The following CYP2C19 variants were observed in gnomAD, a reference collection of about 807,000 sequenced individuals.
CYP2C19 encodes the protein cytochrome P450 2C19.
In CYP2C19, 59 loss-of-function variants were observed where a neutral mutation model predicts 40.9. The observed-to-expected ratio is 1.44, with a 90% CI of 1.17 to 1.79. CYP2C19 has a LOEUF of 1.79. Ranked by LOEUF, CYP2C19 falls within the 40% of genes most tolerant of loss-of-function variation. CYP2C19 has a pLI of 0.00. For synonymous variants in CYP2C19, 253 were observed against 208.7 expected (o/e 1.21, Z -1.83); for missense variants, 754 against 596.9 (o/e 1.26, Z -2.74).
At position 94,854,965 on chromosome 10, in the gene CYP2C19, G is replaced by C. The variant is rs1849710224; in HGVS notation, c.*2051G>C. 6.6e-6 allele frequency among the ~76,000 whole-genome samples: 1 copy of C among 152,118 alleles called. No individual in the cohort carries two copies. The highest frequency in any genetic ancestry group is 1.5e-5 in the Non-Finnish European group (1 of 68,024). On this transcript the variant is annotated 3_prime_UTR_variant, in exon 9 of 9. Transcript: ENST00000371321. ...AATGTATTAATGTAGTGTTAGTAGA[G>C]GTGTTGACAAACACCCATGGGTGAG...
intron 7 of CYP2C19, among the ~76,000 whole-genome samples, chr10:94,849,479 T>A (rs1849619888): frequency 6.6e-6 from 1 of 151,996 alleles, no homozygotes; most frequent in Admixed American, 6.6e-5. Flanking sequence ...GGGATTTTTT[T>A]TAAATTTTAT....
chr10:94,787,443 G>C (rs1226569413), intron 5 of CYP2C19, among the ~76,000 whole-genome samples: 6 of 152,142 alleles, frequency 3.9e-5, no homozygotes, highest in South Asian at 2.1e-4. Flanking sequence ...CATTCTGTAG[G>C]TTGTCTGTTT....
In CYP2C19 at chr10:94,827,014, A is replaced by C. The variant is rs1293437870; in HGVS notation, c.961+6377A>C. Among the ~76,000 whole-genome samples the C allele has an allele frequency of 2.6e-5, 4 of 152,012 alleles. No individual in the cohort carries two copies. The East Asian group carries it at 7.7e-4, about 29-fold the overall frequency. On this transcript the variant is annotated intron_variant, in intron 6 of 8. Coordinates refer to ENST00000371321, the MANE Select transcript of CYP2C19 (RefSeq NM_000769.4). ...GCCTTGCATCCCAGGGATGAAGCCC[A>C]CTCGATCATGGTGGATAAGCTTTTT...
At chr10:94,828,492 CT>C (rs879445634) in intron 6 of CYP2C19, among the ~76,000 whole-genome samples, 1 of 143,754 alleles carries the variant, frequency 7.0e-6, no homozygotes, top group African/African-American at 2.6e-5. Flanking sequence ...CAACCCCTGC[CT>C]TTTTTTGTTT....
chr10:94,831,404 G>A (rs913245332), intron 6 of CYP2C19, among the ~76,000 whole-genome samples: 1 of 152,130 alleles, frequency 6.6e-6, no homozygotes, highest in Non-Finnish European at 1.5e-5. Context: ...CAGTAGTAGG[G>A]TTGTTGGTAG....
In CYP2C19 at chr10:94,844,843, T is replaced by G. The variant is rs183168461; in HGVS notation, c.1149+1819T>G. Among the ~76,000 whole-genome samples, 6 of 152,302 alleles carry G rather than the reference T, an allele frequency of 3.9e-5. No homozygotes were observed. In the South Asian group the frequency reaches 8.3e-4, roughly 21 times the overall value. ...AACTTATTTCTTCTCCTATAACTAATTAATGAGAAATATACTGAAGAATCA... is the reference window on the plus strand; with the variant it reads ...AACTTATTTCTTCTCCTATAACTAAGTAATGAGAAATATACTGAAGAATCA... On this transcript the variant is annotated intron_variant, in intron 7 of 8. Coordinates refer to ENST00000371321, the MANE Select transcript of CYP2C19 (RefSeq NM_000769.4).
At chr10:94,796,048 G>C (rs904248263) in intron 5 of CYP2C19, among the ~76,000 whole-genome samples, 3 of 152,088 alleles carry the variant, frequency 2.0e-5, no homozygotes, top group South Asian at 2.1e-4. Flanking sequence ...ATTGCTTTTT[G>C]TGTTTTAGAT....
At chr10:94,834,225 C>T (rs547995581) in intron 6 of CYP2C19, among the ~76,000 whole-genome samples, 9 of 152,148 alleles carry the variant, frequency 5.9e-5, no homozygotes, top group African/African-American at 1.9e-4. Context: ...GGTTCAATCT[C>T]AATAGGTCAT....
rs1488671835 is a variant in CYP2C19, at chr10:94,817,148, C to T, written c.820-3348C>T. Among the ~76,000 whole-genome samples the T allele has an allele frequency of 2.7e-5, 4 of 146,424 alleles. No individual in the cohort carries two copies. The Admixed American group carries it at 2.7e-4, about 10-fold the overall frequency. On this transcript the variant is annotated intron_variant, in intron 5 of 8. Transcript: ENST00000371321. Reference sequence around the variant, plus strand: ...TTCTAATTCTAGATCCCTGAGGAATCGCCACACTGACTTCCACAATGGTTG... The same window carrying T: ...TTCTAATTCTAGATCCCTGAGGAATTGCCACACTGACTTCCACAATGGTTG...
chr10:94,802,909 T>C (rs1387569101), intron 5 of CYP2C19, among the ~76,000 whole-genome samples: 1 of 152,194 alleles, frequency 6.6e-6, no homozygotes, highest in Non-Finnish European at 1.5e-5. Context: ...TGTTGAATAT[T>C]GGCCCTCACT....
intron 5 of CYP2C19, among the ~76,000 whole-genome samples, chr10:94,799,468 C>A (rs755167070): frequency 6.6e-6 from 1 of 152,120 alleles, no homozygotes; most frequent in African/African-American, 2.4e-5. Context: ...GTGAATCTGA[C>A]AATTATGTGT....
At chr10:94,765,980 T>C (rs1397887299) in intron 1 of CYP2C19, among the ~76,000 whole-genome samples, 2 of 152,114 alleles carry the variant, frequency 1.3e-5, no homozygotes, top group South Asian at 2.1e-4. Context: ...GCTTGTGTAA[T>C]AGGTGAGGTT....
chr10:94,797,484 C>G (rs1167072891), intron 5 of CYP2C19, among the ~76,000 whole-genome samples: 1 of 152,012 alleles, frequency 6.6e-6, no homozygotes, highest in African/African-American at 2.4e-5. Context: ...GCTTTGGTAT[C>G]AGGATGATGC....
intron 1 of CYP2C19, among the ~76,000 whole-genome samples, chr10:94,765,108 G>T (rs1170455360): frequency 6.6e-6 from 1 of 152,164 alleles, no homozygotes; most frequent in African/African-American, 2.4e-5. Context: ...GATAGATTTT[G>T]TTATTTCTTG....
At chr10:94,849,161 G>T (rs892619899) in intron 7 of CYP2C19, among the ~76,000 whole-genome samples, 2 of 151,684 alleles carry the variant, frequency 1.3e-5, no homozygotes, top group Non-Finnish European at 2.9e-5. Flanking sequence ...GTGCCTTTAA[G>T]TCATAGTCTA....
At chr10:94,831,254 T>A (rs1849331132) in intron 6 of CYP2C19, among the ~76,000 whole-genome samples, 1 of 152,190 alleles carries the variant, frequency 6.6e-6, no homozygotes, top group Admixed American at 6.5e-5. Context: ...GTATATGTAC[T>A]ACATTTTCTT....
chr10:94,780,188 C>A (rs1462894389), intron 3 of CYP2C19, among the ~76,000 whole-genome samples: 2 of 152,122 alleles, frequency 1.3e-5, no homozygotes, highest in East Asian at 3.9e-4. Context: ...GTGATTCCCT[C>A]TGAAACTTGA....
chr10:94,814,096 AG>A, intron 5 of CYP2C19, among the ~76,000 whole-genome samples: 1 of 151,262 alleles, frequency 6.6e-6, no homozygotes, highest in South Asian at 2.1e-4. Context: ...GCTTCAGTTT[AG>A]CCTCCATGCA....
chr10:94,821,912 C>A (rs1439690156), intron 6 of CYP2C19, among the ~76,000 whole-genome samples: 2 of 152,014 alleles, frequency 1.3e-5, no homozygotes, highest in Non-Finnish European at 2.9e-5. Flanking sequence ...TAGTACCCAA[C>A]AGATGGTTCT....
Sources: allele counts gnomAD v4.1 joint callset (sites outside exome capture counted in the v4.1 genomes callset), GRCh38; gene constraint gnomAD v4.1.1; transcripts MANE v1.5; gene names NCBI Gene and HGNC (gene_info 2026-07-23, HGNC 2026-07-21).